Variants in TDRD3 observed in about 807,000 individuals in gnomAD.
TDRD3 encodes tudor domain containing 3.
TDRD3 carries 45 observed loss-of-function variants against 86.7 expected under a neutral mutation model. The observed-to-expected ratio is 0.52, with a 90% CI of 0.41 to 0.67. The LOEUF is 0.67. TDRD3 is among the 30% of genes least tolerant of loss of function. The pLI, the probability that TDRD3 is intolerant of heterozygous loss-of-function variation, is 0.00. For missense variants in TDRD3, 814 were observed against 889.0 expected (o/e 0.92, Z 1.07); for synonymous variants, 298 against 301.7 (o/e 0.99, Z 0.13).
intron 8 of TDRD3, among the ~76,000 whole-genome samples, chr13:60,499,508 A>G (rs992034251): frequency 2.1e-4 from 32 of 152,224 alleles, no homozygotes; most frequent in Non-Finnish European, 8.8e-5. Flanking sequence ...GCTTTGTGTC[A>G]TAATTGTATT....
At chr13:60,426,879 G>A (rs559304196) in intron 1 of TDRD3, among the ~76,000 whole-genome samples, 2 of 152,266 alleles carry the variant, frequency 1.3e-5, no homozygotes, top group South Asian at 4.1e-4. Context: ...AACCTTAATG[G>A]TATTGCCGAC....
intron 4 of TDRD3, 133 bp from the exon 5 acceptor site, chr13:60,467,105 A>G (rs1955958942): frequency 1.5e-5 from 14 of 958,030 alleles, no homozygotes; most frequent in African/African-American, 3.3e-5. Context: ...CCCAGCATGC[A>G]TTAGCTGTTT....
chr13:60,537,034 AT>A (rs1193677968), intron 12 of TDRD3: 1 of 152,008 alleles, frequency 6.6e-6, no homozygotes, highest in African/African-American at 2.4e-5. Context: ...CTTCCTACTT[AT>A]TTGTGAATAT....
intron 8 of TDRD3, among the ~76,000 whole-genome samples, chr13:60,494,858 A>G (rs1014010753): frequency 4.6e-5 from 7 of 152,096 alleles, no homozygotes; most frequent in Non-Finnish European, 1.0e-4. Context: ...AAAAACATAC[A>G]TTTTTCTGTG....
chr13:60,425,757 C>T (rs2137891075), intron 1 of TDRD3, among the ~76,000 whole-genome samples: 1 of 152,138 alleles, frequency 6.6e-6, no homozygotes, highest in South Asian at 2.1e-4. Context: ...ACCAACCCCT[C>T]CTCTTCTTCC....
intron 1 of TDRD3, among the ~76,000 whole-genome samples, chr13:60,429,070 A>G (rs1260505768): frequency 1.3e-5 from 2 of 152,222 alleles, no homozygotes; most frequent in African/African-American, 4.8e-5. Flanking sequence ...TTTTAAAGAA[A>G]TGGAAATGAG....
chr13:60,407,138 C>T (rs1239486740), intron 1 of TDRD3, among the ~76,000 whole-genome samples: 2 of 152,166 alleles, frequency 1.3e-5, no homozygotes, highest in African/African-American at 4.8e-5. Context: ...GAAATAGGGA[C>T]ATATGTTAAG....
intron 11 of TDRD3, among the ~76,000 whole-genome samples, chr13:60,531,471 A>G (rs560104051): frequency 2.0e-5 from 3 of 152,286 alleles, no homozygotes; most frequent in African/African-American, 7.2e-5. Context: ...GTGAAAGGTT[A>G]AGGTGAGGAT....
intron 4 of TDRD3, among the ~76,000 whole-genome samples, chr13:60,464,601 T>C (rs1235875117): frequency 2.6e-5 from 4 of 151,856 alleles, no homozygotes; most frequent in East Asian, 1.9e-4. Flanking sequence ...CACACACACA[T>C]ACACTGGAAT....
chr13:60,497,073 T>C (rs1476275853), intron 8 of TDRD3, among the ~76,000 whole-genome samples: 2 of 152,152 alleles, frequency 1.3e-5, no homozygotes, highest in Admixed American at 6.5e-5. Flanking sequence ...TTTAGCCTGA[T>C]TGGGAGCGGC....
At chr13:60,437,589 T>G (rs75538355) in intron 1 of TDRD3, among the ~76,000 whole-genome samples, 1 of 151,000 alleles carries the variant, frequency 6.6e-6, no homozygotes, top group Admixed American at 6.6e-5. Flanking sequence ...TGGTTATTTT[T>G]AAATTAAATT....
chr13:60,570,255 G>A (rs897744826), intron 13 of TDRD3, among the ~76,000 whole-genome samples: 3 of 152,088 alleles, frequency 2.0e-5, no homozygotes, highest in Admixed American at 6.5e-5. Flanking sequence ...CAAAAGACTT[G>A]AATAGGCATT....
chr13:60,534,452 T>C (rs1957654091), intron 11 of TDRD3, among the ~76,000 whole-genome samples: 1 of 152,242 alleles, frequency 6.6e-6, no homozygotes, highest in Non-Finnish European at 1.5e-5. Flanking sequence ...TTGCAATGTC[T>C]TTAATCCTAT....
At chr13:60,555,075 C>G (rs1226593144) in intron 12 of TDRD3, among the ~76,000 whole-genome samples, 1 of 152,054 alleles carries the variant, frequency 6.6e-6, no homozygotes, top group Non-Finnish European at 1.5e-5. Context: ...CTTGGGGATA[C>G]TTTTTCTTCC....
At chr13:60,479,334 T>C (rs1956263881) in intron 5 of TDRD3, among the ~76,000 whole-genome samples, 2 of 152,226 alleles carry the variant, frequency 1.3e-5, no homozygotes, top group African/African-American at 4.8e-5. Flanking sequence ...TTGATTTCTA[T>C]TTTTAATGCA....
At chr13:60,426,832 T>A (rs554686243) in intron 1 of TDRD3, among the ~76,000 whole-genome samples, 2 of 152,342 alleles carry the variant, frequency 1.3e-5, no homozygotes, top group Admixed American at 1.3e-4. Context: ...TCAAGCAACT[T>A]TGTCACTGTG....
chr13:60,406,857 A>T (rs1954247772), intron 1 of TDRD3, among the ~76,000 whole-genome samples: 1 of 152,226 alleles, frequency 6.6e-6, no homozygotes, highest in Non-Finnish European at 1.5e-5. Context: ...ATTCCTCTAA[A>T]TATATAAAAT....
intron 2 of TDRD3, among the ~76,000 whole-genome samples, chr13:60,441,867 T>A (rs560761407): frequency 6.6e-6 from 1 of 152,286 alleles, no homozygotes; most frequent in South Asian, 2.1e-4. Context: ...AAGGCCTTTA[T>A]TGGGCTGCCC....
chr13:60,530,706 C>T (rs1198608283), intron 11 of TDRD3, among the ~76,000 whole-genome samples: 6 of 151,720 alleles, frequency 4.0e-5, no homozygotes, highest in South Asian at 2.1e-4. Flanking sequence ...CCACCCGCCT[C>T]GGCGTCCTAA....
Sources: allele counts gnomAD v4.1 joint callset (sites outside exome capture counted in the v4.1 genomes callset), GRCh38; gene constraint gnomAD v4.1.1; transcripts MANE v1.5; gene names NCBI Gene and HGNC (gene_info 2026-07-23, HGNC 2026-07-21).